LRRC37B: variants seen among roughly 807,000 people sequenced by gnomAD.
LRRC37B encodes the protein leucine rich repeat containing 37B, also known as leucine-rich repeat-containing protein 37B.
LRRC37B carries 28 observed loss-of-function variants against 98.3 expected under a neutral mutation model. That is an observed-to-expected ratio of 0.28 (90% CI 0.21 to 0.39). LRRC37B has a LOEUF of 0.39. LRRC37B is among the 10% of genes least tolerant of loss of function. The pLI is 1.00. For missense variants in LRRC37B, 938 were observed against 1,182.7 expected (o/e 0.79, Z 3.03); for synonymous variants, 364 against 442.7 (o/e 0.82, Z 2.23).
chr17:32,037,817 A>G (rs1422229913), intron 7 of LRRC37B, among the ~76,000 whole-genome samples: 3 of 151,856 alleles, frequency 2.0e-5, no homozygotes, highest in Non-Finnish European at 4.4e-5. Context: ...GAGTTTTAAG[A>G]GTGCTTTAGG....
chr17:32,051,803 G>A (rs2142265108), intron 11 of LRRC37B: 1 of 152,334 alleles, frequency 6.6e-6, no homozygotes, highest in South Asian at 2.1e-4. Context: ...CTAGAACATG[G>A]TATTTCATGT....
At chr17:32,022,666 C>T in exon 1 of LRRC37B, 1 of 1,614,038 alleles carries the variant, frequency 6.2e-7, no homozygotes, top group Non-Finnish European at 8.5e-7. Context: ...CAGTCTGAAA[C>T]TGCACCAGAG....
At chr17:32,032,973 G>C (rs562889255) in intron 5 of LRRC37B, among the ~76,000 whole-genome samples, 2 of 152,286 alleles carry the variant, frequency 1.3e-5, no homozygotes, top group East Asian at 3.9e-4. Flanking sequence ...AGACAAGCCT[G>C]ACCAACATGG....
intron 1 of LRRC37B, among the ~76,000 whole-genome samples, chr17:32,013,370 A>G (rs60965834): frequency 0.028 from 4,248 of 152,184 alleles, 180 homozygotes; most frequent in African/African-American, 0.095. Flanking sequence ...ATCTGACAGC[A>G]TCTTTTAATT....
chr17:32,029,478 G>C (rs1413550715), intron 3 of LRRC37B, among the ~76,000 whole-genome samples: 1 of 152,046 alleles, frequency 6.6e-6, no homozygotes, highest in Non-Finnish European at 1.5e-5. Context: ...CACTAGGAGG[G>C]ATAAATTGTT....
intron 7 of LRRC37B, chr17:32,040,307 G>C (rs1202814394): frequency 3.0e-6 from 1 of 329,960 alleles, no homozygotes; most frequent in Non-Finnish European, 5.8e-6. Flanking sequence ...TCATGAACTC[G>C]AGGTGGCCCC....
intron 7 of LRRC37B, chr17:32,042,050 A>G (rs1344386668): frequency 5.8e-6 from 2 of 345,878 alleles, no homozygotes; most frequent in Non-Finnish European, 1.2e-5. Context: ...CCAGGGCCAC[A>G]GTACCCCAGC....
intron 1 of LRRC37B, among the ~76,000 whole-genome samples, chr17:32,012,545 CG>C (rs909975823): frequency 4.0e-5 from 6 of 150,720 alleles, no homozygotes; most frequent in African/African-American, 1.5e-4. Flanking sequence ...GGCGAAACCC[CG>C]TCTCTACTAA....
intron 11 of LRRC37B, 196 bp from the exon 15 acceptor site, chr17:32,053,070 C>A (rs1293910299): frequency 8.5e-6 from 5 of 589,314 alleles, no homozygotes; most frequent in African/African-American, 1.9e-5. Context: ...TATCCTAGAA[C>A]CAGTCCTCTG....
At chr17:32,045,771 T>C in exon 8 of LRRC37B, 1 of 1,600,926 alleles carries the variant, frequency 6.2e-7, no homozygotes. Context: ...TGCAAGACAG[T>C]CAAGCTGCAT....
chr17:32,009,541 GA>G (rs1267656352), intron 1 of LRRC37B, among the ~76,000 whole-genome samples: 1 of 152,194 alleles, frequency 6.6e-6, no homozygotes, highest in Non-Finnish European at 1.5e-5. Context: ...CCAAAGTGCT[GA>G]GATGACAGGC....
rs7213748 is a variant in LRRC37B, at chr17:32,045,873, T to A, written c.2323+55T>A. Reference sequence around the variant, plus strand: ...TTACATTATTTTAAGTATTTGTTTTTAAATTTTTATTTTTAATTGATGAAA... The same window carrying A: ...TTACATTATTTTAAGTATTTGTTTTAAAATTTTTATTTTTAATTGATGAAA... On this transcript the variant is annotated intron_variant, in intron 8 of 11. Coordinates refer to ENST00000327564, the Ensembl canonical transcript of LRRC37B. 8.4e-5 allele frequency: 128 copies of A among 1,523,790 alleles called. 1 individual carries two copies. In the East Asian group the frequency reaches 2.4e-3, roughly 29 times the overall value. The allele number at this position is 1,523,790 out of a possible 1,614,324, so 94.4% of individuals were successfully genotyped here.
chr17:32,023,852 G>C (rs1910871858), intron 1 of LRRC37B, among the ~76,000 whole-genome samples: 1 of 152,144 alleles, frequency 6.6e-6, no homozygotes, highest in African/African-American at 2.4e-5. Context: ...GAGAGAATAC[G>C]CATAAAAAGG....
chr17:32,022,899 G>A, intron 1 of LRRC37B, 74 bp downstream of exon 4: 2 of 1,472,378 alleles, frequency 1.4e-6, no homozygotes, highest in Non-Finnish European at 1.9e-6. Flanking sequence ...GGCCTTCCTG[G>A]GCCTTCTTTA....
At chr17:32,014,530 A>G (rs1834726051) in intron 1 of LRRC37B, among the ~76,000 whole-genome samples, 1 of 152,238 alleles carries the variant, frequency 6.6e-6, no homozygotes, top group Admixed American at 6.5e-5. Flanking sequence ...CCAAAGGAAA[A>G]TTATACCAGT....
At chr17:32,051,552 T>G (rs1054735505) in intron 11 of LRRC37B, 8 of 151,990 alleles carry the variant, frequency 5.3e-5, no homozygotes, top group Admixed American at 3.3e-4. Flanking sequence ...TAGTCCCTTT[T>G]TGAGATTTGT....
intron 1 of LRRC37B, 34 bp downstream of exon 1, chr17:32,008,166 C>A: frequency 3.7e-6 from 1 of 268,930 alleles, no homozygotes; most frequent in South Asian, 6.2e-5. Flanking sequence ...CAGACTCATT[C>A]CCCACCTCCT....
chr17:32,040,974 C>T, intron 7 of LRRC37B: 1 of 865,414 alleles, frequency 1.2e-6, no homozygotes, highest in East Asian at 2.4e-5. Context: ...GGAGCTGCGT[C>T]AGGCGCTGGA....
intron 1 of LRRC37B, among the ~76,000 whole-genome samples, chr17:32,023,132 T>TC (rs1212821148): frequency 2.6e-5 from 4 of 151,222 alleles, no homozygotes; most frequent in Admixed American, 2.6e-4. Flanking sequence ...TTTTTTTTTT[T>TC]TTTTTTGAGA....
Sources: gnomAD v4.1 joint callset for allele counts (sites outside exome capture counted in the v4.1 genomes callset) on GRCh38, gnomAD v4.1.1 for gene constraint, MANE v1.5 for transcripts, NCBI Gene and HGNC (gene_info 2026-07-23, HGNC 2026-07-21) for gene names.